PRKG1: variants seen among roughly 807,000 people sequenced by gnomAD.
The protein encoded by PRKG1 is protein kinase cGMP-dependent 1.
Under a neutral mutation model 88.1 loss-of-function variants are expected in PRKG1, and 35 were observed. That is an observed-to-expected ratio of 0.40 (90% CI 0.30 to 0.53). PRKG1 has a LOEUF of 0.53. Among genes scored for constraint, PRKG1 ranks in the 20% least tolerant of loss-of-function variants. The probability of loss-of-function intolerance (pLI) is 0.59; values close to 1 mark genes in which losing one functional copy is unlikely to be tolerated. For missense variants in PRKG1, 540 were observed against 839.8 expected (o/e 0.64, Z 4.41); for synonymous variants, 303 against 292.5 (o/e 1.04, Z -0.37).
At chr10:51,400,824 T>G (rs896782488) in intron 2 of PRKG1, among the ~76,000 whole-genome samples, 18 of 152,180 alleles carry the variant, frequency 1.2e-4, no homozygotes, top group Admixed American at 6.5e-4. Context: ...GCCCCTTTCT[T>G]CAATGACTTT....
chr10:51,183,442 C>G (rs1837403747), intron 2 of PRKG1, among the ~76,000 whole-genome samples: 1 of 152,188 alleles, frequency 6.6e-6, no homozygotes, highest in South Asian at 2.1e-4. Flanking sequence ...CTTCTTGATG[C>G]TAGGCAAGAG....
chr10:52,045,445 G>A (rs1002584880), intron 5 of PRKG1, among the ~76,000 whole-genome samples: 1 of 152,138 alleles, frequency 6.6e-6, no homozygotes, highest in African/African-American at 2.4e-5. Flanking sequence ...GCAAGGCAAA[G>A]TTCAAGGTGA....
intron 2 of PRKG1, among the ~76,000 whole-genome samples, chr10:51,254,403 C>G (rs1839504280): frequency 1.3e-5 from 2 of 152,024 alleles, no homozygotes; most frequent in Admixed American, 6.6e-5. Flanking sequence ...GTACTGCAGG[C>G]TAAGTACTCT....
intron 7 of PRKG1, among the ~76,000 whole-genome samples, chr10:52,086,694 G>A (rs967797549): frequency 3.9e-5 from 6 of 151,942 alleles, no homozygotes; most frequent in South Asian, 4.2e-4. Flanking sequence ...TTAGTGCTCC[G>A]TTGTGTTTAT....
chr10:51,799,094 C>T (rs1839095400), intron 3 of PRKG1, among the ~76,000 whole-genome samples: 1 of 151,934 alleles, frequency 6.6e-6, no homozygotes, highest in African/African-American at 2.4e-5. Flanking sequence ...AATCTCTGTC[C>T]CTGTCTTGGT....
At chr10:51,581,005 C>CA (rs962263852) in intron 3 of PRKG1, among the ~76,000 whole-genome samples, 6 of 148,932 alleles carry the variant, frequency 4.0e-5, no homozygotes, top group Middle Eastern at 3.4e-3. Context: ...AAGCTGGGTC[C>CA]AGGGGGGGGT....
At chr10:51,224,494 G>A (rs926048874) in intron 2 of PRKG1, among the ~76,000 whole-genome samples, 1 of 152,194 alleles carries the variant, frequency 6.6e-6, no homozygotes. Flanking sequence ...TTGCATTTGT[G>A]CTTGAGAAAT....
chr10:51,261,924 G>A lies in PRKG1; in HGVS notation c.478+108594G>A, dbSNP rs1265853941. 4.4e-5 allele frequency among the ~76,000 whole-genome samples: 6 copies of A among 135,398 alleles called. No individual in the cohort carries two copies. In the Admixed American group the frequency reaches 4.9e-4, roughly 11 times the overall value. 88.8% of individuals were successfully genotyped at this position (135,398 alleles called of 152,430 possible). ...TTTTGAGATGGAGTCTGGCTCTGTC[G>A]CCCAGGCTGGAATGCAGTGGTGCAA... is the stretch of plus-strand genomic sequence containing the variant. On this transcript the variant is annotated intron_variant, in intron 2 of 17. Coordinates refer to ENST00000373980, the MANE Select transcript of PRKG1 (RefSeq NM_006258.4).
intron 3 of PRKG1, among the ~76,000 whole-genome samples, chr10:51,656,121 C>T (rs1214005325): frequency 2.0e-5 from 3 of 152,184 alleles, no homozygotes; most frequent in Non-Finnish European, 2.9e-5. Context: ...AAGTGTTTTA[C>T]TGTCATAATA....
chr10:52,115,950 C>T (rs1214118778), intron 7 of PRKG1, among the ~76,000 whole-genome samples: 6 of 152,016 alleles, frequency 3.9e-5, no homozygotes, highest in African/African-American at 1.4e-4. Flanking sequence ...ATTCATGAAT[C>T]AGGCAGCGCC....
intron 3 of PRKG1, chr10:51,698,669 C>G (rs1841375361): frequency 1.2e-6 from 2 of 1,614,194 alleles, no homozygotes; most frequent in Non-Finnish European, 1.7e-6. Context: ...TGGGCCAACC[C>G]CTGGCATTCC....
At chr10:51,751,832 A>C (rs1354981690) in intron 3 of PRKG1, among the ~76,000 whole-genome samples, 1 of 151,618 alleles carries the variant, frequency 6.6e-6, no homozygotes, top group African/African-American at 2.4e-5. Flanking sequence ...TTAGCTCATC[A>C]TTATATTCTT....
intron 1 of PRKG1, among the ~76,000 whole-genome samples, chr10:51,031,998 G>T (rs974127969): frequency 4.6e-5 from 7 of 152,276 alleles, no homozygotes; most frequent in South Asian, 4.1e-4. Flanking sequence ...CTCAAAGCTG[G>T]TTGGATGCTC....
Position 51,899,694 on chromosome 10 carries a change from T to C in PRKG1, c.699-7813T>C, listed in dbSNP as rs547016378. Among the ~76,000 whole-genome samples the C allele has an allele frequency of 8.1e-3, 1,159 of 142,792 alleles. 23 individuals carry two copies. Among genetic ancestry groups the C allele is most frequent in the African/African-American group, 0.026 (1,006 of 38,386 alleles). 93.7% of individuals were successfully genotyped at this position (142,792 alleles called of 152,430 possible). A position where few individuals can be genotyped will look rare whatever the true frequency, so the allele number is the denominator to read the frequency against. Reference sequence around the variant, plus strand: ...ATGTATATATATATATATATATATATACAAATTTCTCAATATCTAACTATC... The same window carrying C: ...ATGTATATATATATATATATATATACACAAATTTCTCAATATCTAACTATC... On this transcript the variant is annotated intron_variant, in intron 4 of 17. Transcript: ENST00000373980.
At chr10:51,980,070 T>C (rs1416120509) in intron 5 of PRKG1, among the ~76,000 whole-genome samples, 1 of 152,110 alleles carries the variant, frequency 6.6e-6, no homozygotes, top group Non-Finnish European at 1.5e-5. Context: ...AGTTGTGATG[T>C]TAAGTTGTTA....
chr10:51,915,320 T>C (rs1483053913), intron 5 of PRKG1, among the ~76,000 whole-genome samples: 1 of 152,238 alleles, frequency 6.6e-6, no homozygotes, highest in Non-Finnish European at 1.5e-5. Flanking sequence ...AATCTGTTGT[T>C]TGTAACTAAA....
At chr10:51,276,327 G>T (rs2132188738) in intron 2 of PRKG1, among the ~76,000 whole-genome samples, 1 of 152,264 alleles carries the variant, frequency 6.6e-6, no homozygotes, top group South Asian at 2.1e-4. Flanking sequence ...GTATTCCATG[G>T]TGTATATGTG....
At chr10:51,118,910 A>C (rs1845198813) in intron 1 of PRKG1, among the ~76,000 whole-genome samples, 2 of 152,126 alleles carry the variant, frequency 1.3e-5, no homozygotes, top group Non-Finnish European at 2.9e-5. Context: ...TAAGCTTCAA[A>C]TTATTTTGGA....
chr10:51,235,106 G>A (rs10490978), intron 2 of PRKG1, among the ~76,000 whole-genome samples: 58,851 of 151,924 alleles, frequency 0.39, 11,598 homozygotes, highest in Middle Eastern at 0.46. Context: ...TCCTAAGAAC[G>A]ATATTCCATG....
Sources: allele counts gnomAD v4.1 joint callset (sites outside exome capture counted in the v4.1 genomes callset), GRCh38; gene constraint gnomAD v4.1.1; transcripts MANE v1.5; gene names NCBI Gene and HGNC (gene_info 2026-07-23, HGNC 2026-07-21).